Variants in KCNIP4 observed in about 807,000 individuals in gnomAD.
KCNIP4 encodes potassium voltage-gated channel interacting protein 4, also known as Kv channel-interacting protein 4.
In KCNIP4, 12 loss-of-function variants were observed where a neutral mutation model predicts 34.0. The observed-to-expected ratio is 0.35, with a 90% CI of 0.23 to 0.57. The LOEUF is 0.57. Ranked by LOEUF, KCNIP4 falls within the 20% of genes least tolerant of loss-of-function variation. The probability of loss-of-function intolerance (pLI) is 0.83; values close to 1 mark genes in which losing one functional copy is unlikely to be tolerated. For synonymous variants in KCNIP4, 124 were observed against 102.2 expected, an observed-to-expected ratio of 1.21 and a Z score of -1.29; for missense variants, 238 against 311.7, an observed-to-expected ratio of 0.76 and a Z score of 1.78.
intron 1 of KCNIP4, among the ~76,000 whole-genome samples, chr4:21,044,805 C>T (rs1742295461): frequency 6.6e-6 from 1 of 152,208 alleles, no homozygotes; most frequent in Admixed American, 6.5e-5. Context: ...CTGTGAATTT[C>T]CATGTCCAGG....
intron 1 of KCNIP4, among the ~76,000 whole-genome samples, chr4:21,303,575 T>A (rs1325422490): frequency 6.6e-6 from 1 of 152,208 alleles, no homozygotes; most frequent in African/African-American, 2.4e-5. Context: ...GTTCTGACAT[T>A]TTTGATCCAA....
At chr4:20,789,786 G>A (rs564633659) in intron 3 of KCNIP4, among the ~76,000 whole-genome samples, 1 of 150,890 alleles carries the variant, frequency 6.6e-6, no homozygotes, top group East Asian at 1.9e-4. Context: ...AGCTGATGTA[G>A]CTCAGATATT....
At chr4:21,937,672 C>T (rs1729937956) in intron 1 of KCNIP4, among the ~76,000 whole-genome samples, 1 of 152,004 alleles carries the variant, frequency 6.6e-6, no homozygotes, top group African/African-American at 2.4e-5. Context: ...TCAACCGAAC[C>T]TCCATCTCTG....
At chr4:21,003,321 C>A (rs1483974561) in intron 1 of KCNIP4, among the ~76,000 whole-genome samples, 1 of 152,176 alleles carries the variant, frequency 6.6e-6, no homozygotes, top group Non-Finnish European at 1.5e-5. Flanking sequence ...CAAAACAACA[C>A]AATCCATAAG....
intron 1 of KCNIP4, among the ~76,000 whole-genome samples, chr4:21,429,567 T>C (rs985822519): frequency 6.6e-6 from 1 of 152,202 alleles, no homozygotes; most frequent in Non-Finnish European, 1.5e-5. Flanking sequence ...CCCAACTGTC[T>C]TCCAAAGTGG....
chr4:20,750,739 C>G (rs1415406286), intron 4 of KCNIP4, among the ~76,000 whole-genome samples: 1 of 152,072 alleles, frequency 6.6e-6, no homozygotes, highest in Non-Finnish European at 1.5e-5. Context: ...TTATTATTTT[C>G]AGTGTTGCAT....
chr4:21,179,501 G>A (rs1019766578), intron 1 of KCNIP4, among the ~76,000 whole-genome samples: 4 of 152,266 alleles, frequency 2.6e-5, no homozygotes, highest in South Asian at 2.1e-4. Context: ...ATAAATTAGG[G>A]CAATATTGGT....
chr4:21,365,829 TTTAAGC>T (rs1268073628), intron 1 of KCNIP4, among the ~76,000 whole-genome samples: 1 of 152,214 alleles, frequency 6.6e-6, no homozygotes, highest in Non-Finnish European at 1.5e-5. Context: ...ATATTCCAGT[TTTAAGC>T]AGCTCATATC....
intron 1 of KCNIP4, among the ~76,000 whole-genome samples, chr4:21,267,976 T>C (rs547895930): frequency 9.9e-5 from 15 of 152,170 alleles, no homozygotes; most frequent in African/African-American, 3.6e-4. Context: ...ATCCATCTGG[T>C]CCTGGACTCT....
intron 1 of KCNIP4, among the ~76,000 whole-genome samples, chr4:21,624,152 G>T (rs945257033): frequency 6.6e-6 from 1 of 152,060 alleles, no homozygotes; most frequent in Non-Finnish European, 1.5e-5. Flanking sequence ...TTCAAATTCT[G>T]CCTCCATTAC....
At chr4:21,168,455 T>A (rs1040643111) in intron 1 of KCNIP4, among the ~76,000 whole-genome samples, 1 of 152,180 alleles carries the variant, frequency 6.6e-6, no homozygotes, top group Non-Finnish European at 1.5e-5. Context: ...AAGTTTCTGT[T>A]AGGCACAGGT....
At chr4:21,320,964 T>TTAAAAAAAAAAAAA (rs1553860312) in intron 1 of KCNIP4, among the ~76,000 whole-genome samples, 2 of 102,918 alleles carry the variant, frequency 1.9e-5, no homozygotes, top group South Asian at 3.2e-4. Flanking sequence ...GAATCTGTCT[T>TTAAAAAAAAAAAAA]AAAAAAAAAA....
intron 1 of KCNIP4, among the ~76,000 whole-genome samples, chr4:21,922,234 C>T (rs905322205): frequency 6.6e-6 from 1 of 152,180 alleles, no homozygotes; most frequent in African/African-American, 2.4e-5. Context: ...AACAAGCCAC[C>T]CTACTGCTCT....
chr4:21,690,272 A>G (rs1250640818), intron 1 of KCNIP4, among the ~76,000 whole-genome samples: 1 of 151,944 alleles, frequency 6.6e-6, no homozygotes, highest in Non-Finnish European at 1.5e-5. Context: ...ATGTATCCCA[A>G]TACTGGAAAA....
chr4:21,119,969 G>T (rs546047521), intron 1 of KCNIP4, among the ~76,000 whole-genome samples: 1 of 152,178 alleles, frequency 6.6e-6, no homozygotes. Context: ...GCCAGAACGG[G>T]AAGGTGTTGA....
At chr4:21,266,084 G>C (rs557131626) in intron 1 of KCNIP4, among the ~76,000 whole-genome samples, 65 of 152,258 alleles carry the variant, frequency 4.3e-4, no homozygotes, top group Admixed American at 1.6e-3. Context: ...GGGGTTTAAA[G>C]AGATTTAGAT....
intron 6 of KCNIP4, among the ~76,000 whole-genome samples, chr4:20,733,887 C>G (rs1321389876): frequency 1.3e-5 from 2 of 152,136 alleles, no homozygotes; most frequent in African/African-American, 4.8e-5. Flanking sequence ...GGCACACTTG[C>G]ACCTGTGTCT....
chr4:21,477,081 A>G (rs765072464), intron 1 of KCNIP4, among the ~76,000 whole-genome samples: 11 of 152,128 alleles, frequency 7.2e-5, no homozygotes, highest in African/African-American at 2.7e-4. Flanking sequence ...TTAAAAATCA[A>G]TGTGTGTTGT....
At chr4:21,310,002 C>G (rs896507225) in intron 1 of KCNIP4, among the ~76,000 whole-genome samples, 2 of 151,960 alleles carry the variant, frequency 1.3e-5, no homozygotes, top group African/African-American at 4.8e-5. Flanking sequence ...ATTACATGAC[C>G]AATGGAGAAG....
Sources: gnomAD v4.1 joint callset for allele counts (sites outside exome capture counted in the v4.1 genomes callset) on GRCh38, gnomAD v4.1.1 for gene constraint, MANE v1.5 for transcripts, NCBI Gene and HGNC (gene_info 2026-07-23, HGNC 2026-07-21) for gene names.